The following MVB12B variants were observed in gnomAD, a reference collection of about 807,000 sequenced individuals.
MVB12B encodes the protein multivesicular body subunit 12B, also known as ESCRT-I complex subunit MVB12B.
Under a neutral mutation model 41.6 loss-of-function variants are expected in MVB12B, and 16 were observed. The ratio of observed to expected loss-of-function variants is 0.38; its 90% CI spans 0.26 to 0.58. MVB12B has a LOEUF of 0.58. Among genes scored for constraint, MVB12B ranks in the 20% least tolerant of loss-of-function variants. MVB12B has a pLI of 0.62. For missense variants in MVB12B, 274 were observed against 380.2 expected, an observed-to-expected ratio of 0.72 and a Z score of 2.32; for synonymous variants, 133 against 139.7, an observed-to-expected ratio of 0.95 and a Z score of 0.34.
chr9:126,366,705 TGTA>T (rs1830191770), intron 2 of MVB12B, among the ~76,000 whole-genome samples: 1 of 152,186 alleles, frequency 6.6e-6, no homozygotes, highest in African/African-American at 2.4e-5. Flanking sequence ...CCCCCCTTCT[TGTA>T]GTAGCCTCTC....
In MVB12B at chr9:126,386,242, G is replaced by A. The variant is rs1252191336; in HGVS notation, c.313-320G>A. On this transcript the variant is annotated intron_variant, in intron 3 of 9. Coordinates refer to ENST00000361171, the MANE Select transcript of MVB12B (RefSeq NM_033446.3). This position sits in a 1 kb window ranked among gnomAD's most constrained non-coding sequence, Gnocchi z 4.3. The stretch of plus-strand genomic sequence containing the variant: ...TGAGATCTGATGCTCAGGGCTGAAT[G>A]GCAGCCTGGTCCTGGGACCTGTGTG... Among the ~76,000 whole-genome samples, 1 of 152,268 alleles carries A rather than the reference G, an allele frequency of 6.6e-6. No individual in the cohort carries two copies. Among genetic ancestry groups the A allele is most frequent in the East Asian group, 1.9e-4 (1 of 5,186 alleles).
intron 7 of MVB12B, 157 bp from the exon 8 acceptor site, chr9:126,481,212 C>A (rs1833516729): frequency 7.2e-6 from 5 of 696,876 alleles, no homozygotes; most frequent in African/African-American, 1.8e-5. Flanking sequence ...GGGGTGGGAC[C>A]TGTCCTCTTT....
intron 2 of MVB12B, among the ~76,000 whole-genome samples, chr9:126,370,612 C>A (rs967217028): frequency 3.3e-5 from 5 of 152,016 alleles, no homozygotes; most frequent in African/African-American, 7.2e-5. Context: ...GAACTCCTGA[C>A]CTGAAGTGAT....
chr9:126,435,242 A>T (rs753875081), intron 7 of MVB12B, among the ~76,000 whole-genome samples: 8 of 152,168 alleles, frequency 5.3e-5, no homozygotes, highest in Non-Finnish European at 1.0e-4. Context: ...GCTGCTTATT[A>T]TACCAGAAGG....
intron 1 of MVB12B, among the ~76,000 whole-genome samples, chr9:126,336,862 A>G (rs568821365): frequency 6.6e-6 from 1 of 152,194 alleles, no homozygotes; most frequent in African/African-American, 2.4e-5. Flanking sequence ...CAGCCTTGGA[A>G]ATTATCTCAC....
At chr9:126,329,605 A>C (rs1200749895) in intron 1 of MVB12B, among the ~76,000 whole-genome samples, 1 of 152,228 alleles carries the variant, frequency 6.6e-6, no homozygotes, top group African/African-American at 2.4e-5. Context: ...GGGGATCAGA[A>C]TCCAAATGGC....
intron 6 of MVB12B, among the ~76,000 whole-genome samples, chr9:126,405,855 A>G (rs888480017): frequency 6.7e-6 from 1 of 149,108 alleles, no homozygotes; most frequent in African/African-American, 2.4e-5. Flanking sequence ...TAGAATAAAT[A>G]CAATTATTAT....
Position 126,392,133 on chromosome 9 carries a change from G to A in MVB12B, c.477G>A (p.Ala159=), listed in dbSNP as rs544965778. The stretch of plus-strand genomic sequence containing the variant: ...TTCCACGGGATTCAACGGAAGCTGC[G>A]ATTTGTGACATTCGGATCATGGGCC... The part of the protein sequence containing the change: ...KFIPRDSTEA[A]ICDIRIMGRT... The change falls in exon 5 of 10, where the codon GCG becomes GCA. Residue 159 remains alanine (A), a synonymous_variant. Transcript: ENST00000361171. The surrounding 1 kb of genome is among the most constrained non-coding windows in gnomAD (Gnocchi z 4.8). 15 of 1,614,224 alleles carry A rather than the reference G, an allele frequency of 9.3e-6. No individual in the cohort carries two copies. The highest frequency in any genetic ancestry group is 4.4e-5 in the South Asian group (4 of 91,084).
rs556017856 is a variant in MVB12B, at chr9:126,448,796, C to G, written c.757+26848C>G. ...TGGTGCTGAACCATTCATGAGGGAT[C>G]TGCCCCCTGATCCAGTCACCTCCCA... is the stretch of plus-strand genomic sequence containing the variant. On this transcript the variant is annotated intron_variant, in intron 7 of 9. Transcript: ENST00000361171. Among the ~76,000 whole-genome samples, 3 of 152,292 alleles carry G rather than the reference C, an allele frequency of 2.0e-5. No individual in the cohort carries two copies. The South Asian group carries it at 6.2e-4, about 32-fold the overall frequency.
intron 7 of MVB12B, among the ~76,000 whole-genome samples, chr9:126,440,769 TG>T (rs1392115544): frequency 6.6e-6 from 1 of 152,184 alleles, no homozygotes; most frequent in East Asian, 1.9e-4. Context: ...ATTACTAAAT[TG>T]GTTTGTTATA....
At chr9:126,457,740 C>T (rs1412506892) in intron 7 of MVB12B, among the ~76,000 whole-genome samples, 4 of 152,018 alleles carry the variant, frequency 2.6e-5, no homozygotes, top group Non-Finnish European at 5.9e-5. Flanking sequence ...CGTCGCCTGT[C>T]GTTCTACTGA....
chr9:126,409,490 A>G (rs1172478404), intron 6 of MVB12B, among the ~76,000 whole-genome samples: 2 of 149,778 alleles, frequency 1.3e-5, no homozygotes, highest in East Asian at 2.1e-4. Context: ...TTGGGGGGGG[A>G]CACAGAAAGC....
chr9:126,377,011 C>A (rs1042824375), intron 2 of MVB12B, among the ~76,000 whole-genome samples: 4 of 152,112 alleles, frequency 2.6e-5, no homozygotes, highest in African/African-American at 4.8e-5. Context: ...CCCCCTCCCC[C>A]ACACTTGCTA....
chr9:126,464,721 G>A (rs991635959), intron 7 of MVB12B, among the ~76,000 whole-genome samples: 3 of 152,150 alleles, frequency 2.0e-5, no homozygotes, highest in Non-Finnish European at 4.4e-5. Flanking sequence ...ACTTCTTCAG[G>A]TCACATGGCA....
At position 126,421,900 on chromosome 9, in the gene MVB12B, A is replaced by C. The variant is rs1477147176; in HGVS notation, c.709A>C (p.Thr237Pro). 6.2e-7 allele frequency: 1 copy of C among 1,613,834 alleles called. No homozygotes were observed. The highest frequency in any genetic ancestry group is 8.5e-7 in the Non-Finnish European group (1 of 1,179,938). The change falls in exon 7 of 10, where the codon ACC becomes CCC. Residue 237 changes from threonine (T) to proline (P), a missense_variant. Physicochemically the swap from Thr to Pro is conservative, Grantham distance 38 (BLOSUM62 -1). Transcript: ENST00000361171. ...TGCCACCTTCCGAGGCAGGAACAGC[A>C]CCCGGACGGACTACGAGTACCAGCA... Reference protein sequence around the residue: ...LPATFRGRNSTRTDYEYQHSN... With the variant: ...LPATFRGRNSPRTDYEYQHSN...
intron 7 of MVB12B, among the ~76,000 whole-genome samples, chr9:126,426,320 C>A (rs1290814884): frequency 6.6e-6 from 1 of 152,228 alleles, no homozygotes; most frequent in Non-Finnish European, 1.5e-5. Flanking sequence ...TCTTACCTTG[C>A]TGACTGTAGC....
At chr9:126,406,853 T>C (rs886751799) in intron 6 of MVB12B, among the ~76,000 whole-genome samples, 6 of 152,132 alleles carry the variant, frequency 3.9e-5, no homozygotes, top group African/African-American at 1.4e-4. Flanking sequence ...TATTAAGTAA[T>C]CAGTGACTTG....
chr9:126,474,427 G>A (rs1052487866), intron 7 of MVB12B, among the ~76,000 whole-genome samples: 1 of 152,204 alleles, frequency 6.6e-6, no homozygotes, highest in South Asian at 2.1e-4. Flanking sequence ...AATGCATGCC[G>A]TTGATTTTAA....
rs559469912 is a variant in MVB12B, at chr9:126,468,772, A to C, written c.758-12597A>C. 5.3e-5 allele frequency among the ~76,000 whole-genome samples: 8 copies of C among 152,166 alleles called. No individual in the cohort carries two copies. The highest frequency in any genetic ancestry group is 1.0e-4 in the Non-Finnish European group (7 of 68,030). ...ATCTCCCCATCTCTCTCTCCAGCTCAAAGACCCTTTGGTGGCTCCCCAGGG... is the reference window on the plus strand; with the variant it reads ...ATCTCCCCATCTCTCTCTCCAGCTCCAAGACCCTTTGGTGGCTCCCCAGGG... On this transcript the variant is annotated intron_variant, in intron 7 of 9. Coordinates refer to ENST00000361171, the MANE Select transcript of MVB12B (RefSeq NM_033446.3). This position sits in a 1 kb window ranked among gnomAD's most constrained non-coding sequence, Gnocchi z 4.3.
Sources: allele counts gnomAD v4.1 joint callset (sites outside exome capture counted in the v4.1 genomes callset), GRCh38; gene constraint gnomAD v4.1.1; non-coding constraint Gnocchi (gnomAD v3.1); transcripts MANE v1.5; gene names NCBI Gene and HGNC (gene_info 2026-07-23, HGNC 2026-07-21).